The following DAB1 variants were observed in gnomAD, a reference collection of about 807,000 sequenced individuals.
DAB1 encodes DAB adaptor protein 1.
A neutral mutation model predicts 64.6 loss-of-function variants in DAB1; 15 were observed. That is an observed-to-expected ratio of 0.23 (90% CI 0.16 to 0.36). DAB1 has a LOEUF of 0.36. Among genes scored for constraint, DAB1 ranks in the 10% least tolerant of loss-of-function variants. The pLI is 1.00. For synonymous variants in DAB1, 235 were observed against 251.9 expected, an observed-to-expected ratio of 0.93 and a Z score of 0.64; for missense variants, 596 against 706.7, an observed-to-expected ratio of 0.84 and a Z score of 1.78.
In DAB1 at chr1:57,659,698, G is replaced by C. The variant is rs1006374955; in HGVS notation, n.552-10033C>G. On this transcript the variant is annotated intron_variant and non_coding_transcript_variant, in intron 6 of 20. Coordinates refer to the DAB1 transcript ENST00000485760. ...ATCAAATGAAAAAAAGATGGGGGCT[G>C]GGTGTGGTGGCTCACATCTGTAATC... 2.0e-5 allele frequency among the ~76,000 whole-genome samples: 3 copies of C among 152,062 alleles called. No individual in the cohort carries two copies. In the South Asian group the frequency reaches 6.2e-4, roughly 32 times the overall value.
intron 2 of DAB1, among the ~76,000 whole-genome samples, chr1:58,515,885 A>G (rs1440657901): frequency 6.6e-6 from 1 of 152,190 alleles, no homozygotes; most frequent in East Asian, 1.9e-4. Flanking sequence ...TCCTGCTCTA[A>G]AAGTCTATGA....
chr1:57,490,315 G>A (rs2805874), intron 7 of DAB1, among the ~76,000 whole-genome samples: 3,369 of 151,898 alleles, frequency 0.022, 134 homozygotes, highest in African/African-American at 0.076. Flanking sequence ...GGGTAGGTTC[G>A]GTGACCACTT....
chr1:57,493,122 GTGTA>G (rs922651080), intron 7 of DAB1, among the ~76,000 whole-genome samples: 36 of 53,676 alleles, frequency 6.7e-4, no homozygotes, highest in Admixed American at 2.2e-3. Context: ...ATCAAATTGT[GTGTA>G]TGTGTGTGTG....
chr1:58,539,119 T>C (rs1646563512), intron 1 of DAB1: 1 of 873,002 alleles, frequency 1.1e-6, no homozygotes, highest in South Asian at 1.3e-5. Flanking sequence ...ACTCCACCTG[T>C]CACACTGATT....
chr1:58,520,463 A>T (rs1232803983), intron 2 of DAB1, among the ~76,000 whole-genome samples: 1 of 152,210 alleles, frequency 6.6e-6, no homozygotes, highest in African/African-American at 2.4e-5. Flanking sequence ...ATAGACACAT[A>T]AAAATGTTCC....
chr1:58,184,259 A>G (rs1473702341), intron 4 of DAB1, among the ~76,000 whole-genome samples: 1 of 149,582 alleles, frequency 6.7e-6, no homozygotes, highest in African/African-American at 2.4e-5. Flanking sequence ...ATTAATAAAA[A>G]TAAAGATTTT....
At chr1:57,137,184 T>C (rs1658200922) in intron 3 of DAB1, among the ~76,000 whole-genome samples, 1 of 152,218 alleles carries the variant, frequency 6.6e-6, no homozygotes, top group African/African-American at 2.4e-5. Flanking sequence ...ATTATAATTT[T>C]TATCCAAAGA....
rs139967834 is a variant in DAB1 at position 57,234,430 on chromosome 1, A to C, written c.67+56534T>G. ...ATAAAGTGAGTATGGTGATAAAAAT[A>C]AAAGATACTATTTTTTAGGTGTCAA... On this transcript the variant is annotated intron_variant, in intron 2 of 14. Transcript: ENST00000371236. Among the ~76,000 whole-genome samples, 1,093 of 152,326 alleles carry C rather than the reference A, an allele frequency of 7.2e-3. 17 individuals carry two copies. The highest frequency in any genetic ancestry group is 0.024 in the African/African-American group (1,001 of 41,572).
At chr1:57,006,162 G>A (rs1410388188) in intron 14 of DAB1, among the ~76,000 whole-genome samples, 1 of 152,190 alleles carries the variant, frequency 6.6e-6, no homozygotes, top group African/African-American at 2.4e-5. Context: ...CTTCTGGTTA[G>A]ATGATCTGTG....
chr1:58,012,984 G>T (rs970303265), intron 5 of DAB1, among the ~76,000 whole-genome samples: 4 of 152,136 alleles, frequency 2.6e-5, no homozygotes, highest in Non-Finnish European at 5.9e-5. Context: ...AGCCTCTGGG[G>T]TGTGGACTGA....
intron 1 of DAB1, among the ~76,000 whole-genome samples, chr1:57,348,510 C>A (rs1166125999): frequency 6.6e-6 from 1 of 152,168 alleles, no homozygotes; most frequent in Non-Finnish European, 1.5e-5. Flanking sequence ...TTAATTTAAT[C>A]TCTAAAGCAC....
At chr1:57,802,081 G>T (rs934855611) in intron 6 of DAB1, among the ~76,000 whole-genome samples, 2 of 152,182 alleles carry the variant, frequency 1.3e-5, no homozygotes, top group South Asian at 2.1e-4. Context: ...GGGAGATTAG[G>T]TTCCAACAGA....
intron 1 of DAB1, among the ~76,000 whole-genome samples, chr1:57,881,115 T>A (rs1281226548): frequency 6.6e-6 from 1 of 152,088 alleles, no homozygotes; most frequent in Non-Finnish European, 1.5e-5. Context: ...ACTAAGCTGT[T>A]GAGTAGATTA....
intron 5 of DAB1, among the ~76,000 whole-genome samples, chr1:58,038,938 C>T (rs1004321835): frequency 3.3e-5 from 5 of 152,112 alleles, no homozygotes; most frequent in East Asian, 1.9e-4. Context: ...ATCATATGTA[C>T]GTTCGGGTCT....
chr1:57,956,626 G>C (rs565056831), intron 5 of DAB1, among the ~76,000 whole-genome samples: 1 of 152,156 alleles, frequency 6.6e-6, no homozygotes, highest in Non-Finnish European at 1.5e-5. Context: ...ACATGATAAC[G>C]AGATTGCCAC....
intron 5 of DAB1, among the ~76,000 whole-genome samples, chr1:57,910,451 G>A (rs961980074): frequency 2.6e-5 from 4 of 152,142 alleles, no homozygotes; most frequent in African/African-American, 7.2e-5. Context: ...CCACAGCACC[G>A]CTCTGGCAAG....
chr1:57,490,741 G>C (rs1452835619), intron 7 of DAB1, among the ~76,000 whole-genome samples: 1 of 152,192 alleles, frequency 6.6e-6, no homozygotes, highest in Non-Finnish European at 1.5e-5. Context: ...TAAACAACGA[G>C]TGATGGAGCT....
At chr1:57,859,598 C>T (rs1212079076) in intron 1 of DAB1, among the ~76,000 whole-genome samples, 3 of 152,172 alleles carry the variant, frequency 2.0e-5, no homozygotes, top group African/African-American at 7.2e-5. Flanking sequence ...GAGAACTTTG[C>T]ACAATGCTGT....
chr1:58,519,147 A>G (rs1569938303), intron 2 of DAB1, among the ~76,000 whole-genome samples: 1 of 152,228 alleles, frequency 6.6e-6, no homozygotes, highest in African/African-American at 2.4e-5. Context: ...GGGTCATAAC[A>G]GAGAATTTTT....
Sources: gnomAD v4.1 joint callset for allele counts (sites outside exome capture counted in the v4.1 genomes callset) on GRCh38, gnomAD v4.1.1 for gene constraint, MANE v1.5 for transcripts, NCBI Gene and HGNC (gene_info 2026-07-23, HGNC 2026-07-21) for gene names.